Variants in CCSER1 observed in about 807,000 individuals in gnomAD.
CCSER1 encodes serine-rich coiled-coil domain-containing protein 1.
Under a neutral mutation model 82.0 loss-of-function variants are expected in CCSER1, and 41 were observed. That is an observed-to-expected ratio of 0.50 (90% CI 0.39 to 0.65). The LOEUF (loss-of-function observed/expected upper bound fraction) is 0.65, where lower values mean the gene tolerates loss of function less well. Ranked by LOEUF, CCSER1 falls within the 30% of genes least tolerant of loss-of-function variation. CCSER1 has a pLI of 0.00. For missense variants in CCSER1, 1,119 were observed against 1,064.2 expected (o/e 1.05, Z -0.72); for synonymous variants, 414 against 383.9 (o/e 1.08, Z -0.92).
At chr4:90,746,707 G>T (rs1264301171) in intron 7 of CCSER1, among the ~76,000 whole-genome samples, 2 of 152,046 alleles carry the variant, frequency 1.3e-5, no homozygotes, top group African/African-American at 4.8e-5. Context: ...TGCCTATTTG[G>T]GTTTATAAAT....
chr4:90,633,479 T>A lies in CCSER1; in HGVS notation c.1932+5247T>A, dbSNP rs967982568. Among the ~76,000 whole-genome samples the A allele has an allele frequency of 3.9e-5, 6 of 152,088 alleles. No homozygotes were observed. The East Asian group carries it at 1.2e-3, about 29-fold the overall frequency. On this transcript the variant is annotated intron_variant, in intron 6 of 10. Transcript: ENST00000509176. ...CAGATCTTTCTATGCAGTAGATGGC[T>A]ATGGTATTCCTTAACTGTATTTTTA...
intron 5 of CCSER1, among the ~76,000 whole-genome samples, chr4:90,538,006 A>G (rs28414712): frequency 2.7e-3 from 416 of 152,222 alleles, no homozygotes; most frequent in African/African-American, 9.7e-3. Flanking sequence ...TGCCTTGAAA[A>G]TTATGTTTGT....
intron 6 of CCSER1, among the ~76,000 whole-genome samples, chr4:90,697,057 G>C (rs1054142624): frequency 1.3e-5 from 2 of 152,138 alleles, no homozygotes; most frequent in African/African-American, 2.4e-5. Flanking sequence ...GACTTAGTGA[G>C]GGCAAAGAGC....
intron 10 of CCSER1, among the ~76,000 whole-genome samples, chr4:91,260,192 C>T (rs1414400897): frequency 6.6e-6 from 1 of 152,096 alleles, no homozygotes; most frequent in Non-Finnish European, 1.5e-5. Flanking sequence ...TACACTTTCT[C>T]CTTAAAAATA....
chr4:90,610,388 A>G (rs1353407418), intron 5 of CCSER1, among the ~76,000 whole-genome samples: 2 of 152,224 alleles, frequency 1.3e-5, no homozygotes, highest in Non-Finnish European at 1.5e-5. Context: ...TTCTCGAGTC[A>G]TGCCCAATCT....
At chr4:90,458,160 C>A (rs77809104) in intron 4 of CCSER1, among the ~76,000 whole-genome samples, 2,942 of 152,168 alleles carry the variant, frequency 0.019, 86 homozygotes, top group African/African-American at 0.067. Context: ...AGTCCATAGC[C>A]GCAGCTGGTT....
At chr4:91,152,362 G>A (rs939353686) in intron 10 of CCSER1, among the ~76,000 whole-genome samples, 12 of 152,110 alleles carry the variant, frequency 7.9e-5, no homozygotes, top group African/African-American at 1.4e-4. Context: ...TTGAGCCTAT[G>A]TGTGTCTCTG....
At chr4:91,257,972 C>T (rs1359103486) in intron 10 of CCSER1, among the ~76,000 whole-genome samples, 9 of 152,092 alleles carry the variant, frequency 5.9e-5, no homozygotes, top group East Asian at 1.9e-4. Flanking sequence ...TAACGATTAA[C>T]GACTTCACTT....
intron 8 of CCSER1, among the ~76,000 whole-genome samples, chr4:90,914,270 A>G (rs983830651): frequency 2.0e-5 from 3 of 152,206 alleles, no homozygotes; most frequent in Non-Finnish European, 2.9e-5. Context: ...CAAATGTAAA[A>G]GAACAGAAAT....
chr4:90,472,044 A>G (rs1162243626), intron 5 of CCSER1, among the ~76,000 whole-genome samples: 8 of 152,250 alleles, frequency 5.3e-5, no homozygotes, highest in African/African-American at 1.9e-4. Context: ...AAGTTGAGAC[A>G]CTGTCTTTGG....
At chr4:91,253,861 G>T (rs1359850592) in intron 10 of CCSER1, among the ~76,000 whole-genome samples, 1 of 152,032 alleles carries the variant, frequency 6.6e-6, no homozygotes, top group East Asian at 1.9e-4. Context: ...GAGAGGAGTG[G>T]GGGGAGGTGC....
At chr4:90,540,476 C>T (rs1244470807) in intron 5 of CCSER1, among the ~76,000 whole-genome samples, 3 of 152,026 alleles carry the variant, frequency 2.0e-5, no homozygotes, top group Non-Finnish European at 4.4e-5. Flanking sequence ...GGAAGGTCAG[C>T]ATGCCTGTTC....
intron 5 of CCSER1, among the ~76,000 whole-genome samples, chr4:90,497,104 T>A (rs1769157255): frequency 6.6e-6 from 1 of 151,764 alleles, no homozygotes; most frequent in Admixed American, 6.6e-5. Flanking sequence ...AATGTTGAAA[T>A]GCTAATAATC....
At chr4:90,588,528 A>G (rs1487967189) in intron 5 of CCSER1, among the ~76,000 whole-genome samples, 1 of 152,138 alleles carries the variant, frequency 6.6e-6, no homozygotes, top group Admixed American at 6.6e-5. Flanking sequence ...TAATATTTCT[A>G]CAACACCTGC....
intron 8 of CCSER1, among the ~76,000 whole-genome samples, chr4:90,904,935 T>G (rs552623373): frequency 6.6e-6 from 1 of 152,236 alleles, no homozygotes; most frequent in African/African-American, 2.4e-5. Context: ...CAATTGAACC[T>G]GCTTCTCCTG....
In CCSER1 at chr4:91,567,767, T is replaced by G. The variant is rs141535188; in HGVS notation, c.2218-30805T>G. Among the ~76,000 whole-genome samples, 16 of 152,264 alleles carry G rather than the reference T, an allele frequency of 1.1e-4. No homozygotes were observed. In the East Asian group the frequency reaches 2.9e-3, roughly 28 times the overall value. On this transcript the variant is annotated intron_variant, in intron 10 of 10. Coordinates refer to ENST00000509176, the MANE Select transcript of CCSER1 (RefSeq NM_001145065.2). Reference sequence around the variant, plus strand: ...TTGAGCCTCTGACTGTTATTACATGTGAGATGGGACTCTTGAAGACAGCTA... The same window carrying G: ...TTGAGCCTCTGACTGTTATTACATGGGAGATGGGACTCTTGAAGACAGCTA...
chr4:90,605,835 A>G (rs7663857), intron 5 of CCSER1, among the ~76,000 whole-genome samples: 73,987 of 151,928 alleles, frequency 0.49, 21,660 homozygotes, highest in African/African-American at 0.83. Flanking sequence ...CAAAATGTTA[A>G]GACAATAAAA....
chr4:90,159,796 T>A (rs183958723), intron 1 of CCSER1, among the ~76,000 whole-genome samples: 26 of 152,342 alleles, frequency 1.7e-4, no homozygotes, highest in African/African-American at 6.3e-4. Context: ...ACATACAGAT[T>A]GACATATTTT....
At chr4:91,444,651 T>C (rs1283561915) in intron 10 of CCSER1, among the ~76,000 whole-genome samples, 2 of 152,132 alleles carry the variant, frequency 1.3e-5, no homozygotes, top group Admixed American at 6.5e-5. Context: ...AGTTTCACCA[T>C]GTTGGCCAGG....
Sources: allele counts gnomAD v4.1 joint callset (sites outside exome capture counted in the v4.1 genomes callset), GRCh38; gene constraint gnomAD v4.1.1; transcripts MANE v1.5; gene names NCBI Gene and HGNC (gene_info 2026-07-23, HGNC 2026-07-21).